Variants in PPME1 observed in about 807,000 individuals in gnomAD.
PPME1 encodes the protein protein phosphatase methylesterase 1.
In PPME1, 17 loss-of-function variants were observed where a neutral mutation model predicts 56.9. That is an observed-to-expected ratio of 0.30 (90% CI 0.20 to 0.45). The LOEUF (loss-of-function observed/expected upper bound fraction) is 0.45. Among genes scored for constraint, PPME1 ranks in the 20% least tolerant of loss-of-function variants. The probability of loss-of-function intolerance (pLI) is 1.00; values close to 1 mark genes in which losing one functional copy is unlikely to be tolerated. For synonymous variants in PPME1, 122 were observed against 156.2 expected (o/e 0.78, Z 1.63); for missense variants, 357 against 483.2 (o/e 0.74, Z 2.45).
At chr11:74,234,023 A>G (rs1198067553) in intron 7 of PPME1, among the ~76,000 whole-genome samples, 1 of 152,214 alleles carries the variant, frequency 6.6e-6, no homozygotes, top group African/African-American at 2.4e-5. Flanking sequence ...ACAGAGGAAG[A>G]GAGTCATTTT....
chr11:74,196,038 T>A (rs1242525858), intron 1 of PPME1, among the ~76,000 whole-genome samples: 1 of 152,210 alleles, frequency 6.6e-6, no homozygotes. Context: ...TAACAGGAAG[T>A]ACTTACTAAT....
In PPME1 at chr11:74,246,139, G is replaced by A. The variant is rs367984063; in HGVS notation, c.898G>A (p.Gly300Ser). Reference sequence around the variant, plus strand: ...GGCAAAAACAGAAAAATACTGGGACGGCTGGTTCCGAGGCTTATCCAATCT... The same window carrying A: ...GGCAAAAACAGAAAAATACTGGGACAGCTGGTTCCGAGGCTTATCCAATCT... ...ELAKTEKYWD[G>S]WFRGLSNLFL... is the part of the protein sequence containing the mutation. The change falls in exon 10 of 14, where the codon GGC (glycine) becomes AGC (serine). Residue 300 changes from glycine (G) to serine (S), a missense_variant. This residue lies in a region of PPME1 where 182 missense variants were observed against 293.8 expected (regional missense o/e 0.62). Coordinates refer to ENST00000328257, the MANE Select transcript of PPME1 (RefSeq NM_016147.3). 5.1e-6 allele frequency: 8 copies of A among 1,557,140 alleles called. No homozygotes were observed. The highest frequency in any genetic ancestry group is 1.4e-5 in the African/African-American group (1 of 73,318).
At chr11:74,220,192 G>A (rs989498613) in intron 3 of PPME1, among the ~76,000 whole-genome samples, 5 of 152,036 alleles carry the variant, frequency 3.3e-5, no homozygotes, top group South Asian at 2.1e-4. Flanking sequence ...TGTTTTGTTC[G>A]CCAAAAAAAC....
intron 9 of PPME1, among the ~76,000 whole-genome samples, chr11:74,243,116 T>G (rs1280498029): frequency 6.6e-6 from 1 of 152,064 alleles, no homozygotes. Flanking sequence ...CCAGGAAGAT[T>G]GTTAGCCAAC....
At chr11:74,213,391 C>T (rs921143097) in intron 3 of PPME1, among the ~76,000 whole-genome samples, 1 of 152,216 alleles carries the variant, frequency 6.6e-6, no homozygotes, top group African/African-American at 2.4e-5. Context: ...CTGGACTCAC[C>T]TGGGACCAGG....
intron 4 of PPME1, among the ~76,000 whole-genome samples, chr11:74,223,937 C>T (rs1345012888): frequency 6.6e-6 from 1 of 150,820 alleles, no homozygotes; most frequent in East Asian, 1.9e-4. Flanking sequence ...TGCAGAAGCT[C>T]TTTAGTTTAA....
At chr11:74,187,420 TATTA>T (rs1857715055) in intron 1 of PPME1, among the ~76,000 whole-genome samples, 1 of 152,240 alleles carries the variant, frequency 6.6e-6, no homozygotes, top group African/African-American at 2.4e-5. Flanking sequence ...TCTTCAACAG[TATTA>T]CATAGTTTTC....
chr11:74,210,142 AAAT>A (rs1045727386), intron 3 of PPME1, among the ~76,000 whole-genome samples: 11 of 152,324 alleles, frequency 7.2e-5, no homozygotes, highest in Admixed American at 7.2e-4. Context: ...TAGTGTGGTA[AAAT>A]AATAATACAC....
intron 7 of PPME1, among the ~76,000 whole-genome samples, chr11:74,233,665 T>A (rs934270011): frequency 1.7e-4 from 26 of 151,932 alleles, no homozygotes; most frequent in South Asian, 1.0e-3. Flanking sequence ...ATATATATAT[T>A]TTTTTAATTA....
chr11:74,249,441 A>G (rs2135682113), intron 11 of PPME1: 1 of 152,328 alleles, frequency 6.6e-6, no homozygotes, highest in East Asian at 1.9e-4. Flanking sequence ...TGAACATGTT[A>G]TTTTATGTGT....
Position 74,253,849 on chromosome 11 carries a change from T to A in PPME1, c.*339T>A. On this transcript the variant is annotated 3_prime_UTR_variant, in exon 14 of 14. Coordinates refer to ENST00000328257, the MANE Select transcript of PPME1 (RefSeq NM_016147.3). ...CCTCTTCCTAGCATCAGGCGATACA[T>A]CTGAGTTCAAATGTCTTCCCAGGCT... The A allele has an allele frequency of 2.2e-6, 1 of 445,724 alleles. No individual in the cohort carries two copies. Among genetic ancestry groups the A allele is most frequent in the East Asian group, 3.8e-5 (1 of 26,346 alleles). The allele number at this position is 445,724 out of a possible 1,614,324, so 27.6% of individuals were successfully genotyped here. A position where few individuals can be genotyped will look rare whatever the true frequency, so the allele number is the denominator to read the frequency against.
chr11:74,253,681 A>G lies in PPME1; in HGVS notation c.*171A>G. 8 of 731,046 alleles carry G rather than the reference A, an allele frequency of 1.1e-5. No homozygotes were observed. Among genetic ancestry groups the G allele is most frequent in the Non-Finnish European group, 1.9e-5 (8 of 432,306 alleles). 45.3% of individuals were successfully genotyped at this position (731,046 alleles called of 1,614,324 possible). On this transcript the variant is annotated 3_prime_UTR_variant, in exon 14 of 14. Transcript: ENST00000328257. ...CCTTTTCATGTATTCTGCCAAAAGC[A>G]TTGTTTTCCAGGGCCCTTGACCAAC... is the stretch of plus-strand genomic sequence containing the variant.
At chr11:74,228,239 A>G (rs1858979506) in intron 5 of PPME1, among the ~76,000 whole-genome samples, 1 of 151,490 alleles carries the variant, frequency 6.6e-6, no homozygotes, top group African/African-American at 2.4e-5. Flanking sequence ...TGTTATTTTA[A>G]TATGCAGAAT....
intron 1 of PPME1, among the ~76,000 whole-genome samples, chr11:74,193,126 G>GT (rs1398110975): frequency 2.0e-5 from 3 of 152,192 alleles, no homozygotes; most frequent in African/African-American, 4.8e-5. Flanking sequence ...AGTACATTAT[G>GT]TTTTTTCACT....
At chr11:74,233,295 GTTT>G (rs1859114634) in intron 7 of PPME1, among the ~76,000 whole-genome samples, 1 of 152,064 alleles carries the variant, frequency 6.6e-6, no homozygotes, top group African/African-American at 2.4e-5. Flanking sequence ...GATGTTCTGG[GTTT>G]CATGAGAGTC....
chr11:74,228,408 A>G (rs780987695), intron 5 of PPME1, among the ~76,000 whole-genome samples: 2 of 152,116 alleles, frequency 1.3e-5, no homozygotes, highest in Non-Finnish European at 2.9e-5. Context: ...TCATGAAATT[A>G]CTCTGAATTC....
chr11:74,214,932 ATTG>A (rs1367959090), intron 3 of PPME1, among the ~76,000 whole-genome samples: 1 of 152,242 alleles, frequency 6.6e-6, no homozygotes, highest in African/African-American at 2.4e-5. Flanking sequence ...TAACATTGTA[ATTG>A]TTGTGTGTAA....
At chr11:74,244,267 A>G (rs545819876) in intron 9 of PPME1, among the ~76,000 whole-genome samples, 56 of 152,234 alleles carry the variant, frequency 3.7e-4, no homozygotes, top group African/African-American at 1.3e-3. Flanking sequence ...TCTGTTTTCA[A>G]TTCTTTGGAT....
At chr11:74,184,077 ATCTC>A (rs1405789873) in intron 1 of PPME1, among the ~76,000 whole-genome samples, 7 of 152,192 alleles carry the variant, frequency 4.6e-5, no homozygotes, top group Non-Finnish European at 7.4e-5. Context: ...CCATATTTAT[ATCTC>A]TCTGTCTTTA....
Sources: gnomAD v4.1 joint callset for allele counts (sites outside exome capture counted in the v4.1 genomes callset) on GRCh38, gnomAD v4.1.1 for gene constraint, gnomAD v4.1.1 regional missense constraint, MANE v1.5 for transcripts, NCBI Gene and HGNC (gene_info 2026-07-23, HGNC 2026-07-21) for gene names.